The following IFT81 variants were observed in gnomAD, a reference collection of about 807,000 sequenced individuals.
IFT81 encodes intraflagellar transport 81, also known as intraflagellar transport protein 81 homolog.
Under a neutral mutation model 102.6 loss-of-function variants are expected in IFT81, and 72 were observed. That is an observed-to-expected ratio of 0.70 (90% CI 0.58 to 0.85). The LOEUF (loss-of-function observed/expected upper bound fraction) is 0.85. IFT81 is among the 40% of genes least tolerant of loss of function. The pLI is 0.00. For missense variants in IFT81, 723 were observed against 787.3 expected (o/e 0.92, Z 0.98); for synonymous variants, 237 against 242.7 (o/e 0.98, Z 0.22).
intron 12 of IFT81, 105 bp from the exon 13 acceptor site, chr12:110,190,815 T>C (rs759353710): frequency 7.9e-6 from 8 of 1,016,040 alleles, no homozygotes; most frequent in Non-Finnish European, 9.3e-6. Context: ...TCTAAACTAA[T>C]TAATTCTATT....
chr12:110,218,071 C>T lies in IFT81; in HGVS notation c.1876C>T (p.Arg626Ter), dbSNP rs373850914. The change falls in exon 19 of 19, where the codon CGA (arginine) becomes TGA (stop). Residue 626 changes from arginine (R) to a stop codon, truncating the protein, a stop_gained. Transcript: ENST00000242591. LOFTEE classifies it high-confidence loss of function. ...ACTTCGGGAAAAACAAAAAGTTATA[C>T]GAGAAAGTCATGGTCCAAATATGAA... ...KKLREKQKVI[R>*]ESHGPNMKQA... 1.1e-5 allele frequency: 17 copies of T among 1,596,388 alleles called. No homozygotes were observed. The highest frequency in any genetic ancestry group is 6.8e-5 in the African/African-American group (5 of 73,190).
At chr12:110,206,080 T>G (rs1039560346) in intron 17 of IFT81, among the ~76,000 whole-genome samples, 3 of 152,220 alleles carry the variant, frequency 2.0e-5, no homozygotes, top group African/African-American at 7.2e-5. Flanking sequence ...GGAATATATA[T>G]AATTTCATAA....
Position 110,183,043 on chromosome 12 carries a change from A to G in IFT81, c.1338+2472A>G, listed in dbSNP as rs76313081. 4.6e-5 allele frequency among the ~76,000 whole-genome samples: 7 copies of G among 152,302 alleles called. No individual in the cohort carries two copies. The East Asian group carries it at 9.6e-4, about 21-fold the overall frequency. On this transcript the variant is annotated intron_variant, in intron 12 of 18. Coordinates refer to ENST00000242591, the MANE Select transcript of IFT81 (RefSeq NM_014055.4). Reference sequence around the variant, plus strand: ...GGCCTTACGTTTAAGACACTGTTCCACTATTCTGTCAGGCCATCAGCTTTC... The same window carrying G: ...GGCCTTACGTTTAAGACACTGTTCCGCTATTCTGTCAGGCCATCAGCTTTC...
At chr12:110,218,021 T>C (rs774163532) in intron 18 of IFT81, 23 bp from the exon 19 acceptor site, 1 of 1,538,784 alleles carries the variant, frequency 6.5e-7, no homozygotes, top group South Asian at 1.2e-5. Flanking sequence ...GATTTAATTA[T>C]TCTTGTTTTT....
rs531407229 is a variant in IFT81 at position 110,201,114 on chromosome 12, T to A, written c.1558-2750T>A. ...ATATGCTTTTTTCTATTTAAAAAAA[T>A]TTTTTTGGCCAGGTGCAATGACTCA... On this transcript the variant is annotated intron_variant, in intron 14 of 18. Transcript: ENST00000242591. Among the ~76,000 whole-genome samples, 19 of 151,984 alleles carry A rather than the reference T, an allele frequency of 1.3e-4. No individual in the cohort carries two copies. The South Asian group carries it at 2.3e-3, about 18-fold the overall frequency.
At chr12:110,179,061 A>C (rs183804315) in intron 11 of IFT81, among the ~76,000 whole-genome samples, 3 of 152,230 alleles carry the variant, frequency 2.0e-5, no homozygotes, top group Admixed American at 2.0e-4. Context: ...TAAATAGATA[A>C]ATTAGATAGC....
At chr12:110,179,842 AATAT>A (rs886790382) in intron 11 of IFT81, among the ~76,000 whole-genome samples, 1 of 141,744 alleles carries the variant, frequency 7.1e-6, no homozygotes, top group East Asian at 2.0e-4. Context: ...ATATACACAT[AATAT>A]ATATATATAA....
Position 110,173,040 on chromosome 12 carries a change from C to A in IFT81, c.1189-7382C>A, listed in dbSNP as rs1360004765. ...GCCGCCCCGTCCAGGAGGTGAGGGG[C>A]GCCTCTGCCCAGCTGCCCCTACTGG... On this transcript the variant is annotated intron_variant, in intron 11 of 18. Coordinates refer to ENST00000242591, the MANE Select transcript of IFT81 (RefSeq NM_014055.4). Among the ~76,000 whole-genome samples the A allele has an allele frequency of 2.9e-4, 41 of 141,168 alleles. No homozygotes were observed. The South Asian group carries it at 9.0e-3, about 31-fold the overall frequency. 92.6% of individuals were successfully genotyped at this position (141,168 alleles called of 152,430 possible).
At chr12:110,141,297 C>CA (rs1488604096) in intron 8 of IFT81, among the ~76,000 whole-genome samples, 2 of 152,144 alleles carry the variant, frequency 1.3e-5, no homozygotes, top group East Asian at 3.9e-4. Context: ...CTTGGCCTCT[C>CA]AAAGTGCTGG....
chr12:110,195,004 T>G (rs1897941428), intron 14 of IFT81, among the ~76,000 whole-genome samples: 1 of 152,236 alleles, frequency 6.6e-6, no homozygotes, highest in Non-Finnish European at 1.5e-5. Context: ...AAAAAAGTAT[T>G]TTGTTTCTGA....
chr12:110,145,135 T>G (rs1156920249), intron 9 of IFT81, among the ~76,000 whole-genome samples: 1 of 149,770 alleles, frequency 6.7e-6, no homozygotes, highest in Non-Finnish European at 1.5e-5. Context: ...CAGGCTCAAG[T>G]GATCCTCCAC....
At chr12:110,174,458 A>G (rs890778526) in intron 11 of IFT81, among the ~76,000 whole-genome samples, 38 of 118,580 alleles carry the variant, frequency 3.2e-4, no homozygotes, top group African/African-American at 1.5e-3. Context: ...TCCGTCTCAG[A>G]AAAAAAAAAA....
chr12:110,136,846 A>G lies in IFT81; in HGVS notation c.767A>G (p.Asp256Gly). 6.2e-7 allele frequency: 1 copy of G among 1,609,246 alleles called. No individual in the cohort carries two copies. Among genetic ancestry groups the G allele is most frequent in the Non-Finnish European group, 8.5e-7 (1 of 1,175,996 alleles). The change falls in exon 8 of 19, where the codon GAT (aspartate) becomes GGT (glycine). Residue 256 changes from aspartate to glycine, a missense_variant. By Grantham distance (94) the Asp-to-Gly change is moderately conservative (BLOSUM62 -1). Transcript: ENST00000242591. Reference protein sequence around the residue: ...QLKSMRQAAADAKPESLMKRL... With the variant: ...QLKSMRQAAAGAKPESLMKRL... ...AAAAGCATGCGCCAAGCTGCAGCAGATGCAAAGCCTGAAAGTAAGTGGAAA... is the reference window on the plus strand; with the variant it reads ...AAAAGCATGCGCCAAGCTGCAGCAGGTGCAAAGCCTGAAAGTAAGTGGAAA...
In IFT81 at chr12:110,128,085, G is replaced by T. The variant is rs745699140; in HGVS notation, c.184G>T (p.Ala62Ser). 8.1e-6 allele frequency: 13 copies of T among 1,613,808 alleles called. No individual in the cohort carries two copies. The highest frequency in any genetic ancestry group is 1.7e-5 in the Admixed American group (1 of 60,002). Residue 62 changes from alanine (A) to serine (S), a missense_variant, in exon 3 of 19, where the codon GCC becomes TCC. Physicochemically the swap from Ala to Ser is moderately conservative, Grantham distance 99. Coordinates refer to ENST00000242591, the MANE Select transcript of IFT81 (RefSeq NM_014055.4). ...CAGAGAGGAGATGCCAGAGCAGACA[G>T]CCAAACGAATGTTGAGCCTTCTTGG... ...DIREEMPEQT[A>S]KRMLSLLGIL... is the part of the protein sequence containing the mutation.
chr12:110,169,422 A>G (rs1264742390), intron 11 of IFT81, among the ~76,000 whole-genome samples: 5 of 152,178 alleles, frequency 3.3e-5, no homozygotes, highest in African/African-American at 4.8e-5. Flanking sequence ...CACTGAATCT[A>G]GAGATGGTCT....
intron 14 of IFT81, among the ~76,000 whole-genome samples, chr12:110,202,214 C>T (rs1052227295): frequency 6.6e-6 from 1 of 152,108 alleles, no homozygotes; most frequent in Non-Finnish European, 1.5e-5. Flanking sequence ...TTTTTCAGCT[C>T]CATTATAATC....
intron 18 of IFT81, among the ~76,000 whole-genome samples, chr12:110,213,434 T>C (rs1462141473): frequency 2.0e-5 from 3 of 152,250 alleles, no homozygotes; most frequent in Admixed American, 6.5e-5. Context: ...TGATTAAATA[T>C]GTTTTGATAT....
chr12:110,190,474 C>T (rs1355806131), intron 12 of IFT81, among the ~76,000 whole-genome samples: 1 of 152,050 alleles, frequency 6.6e-6, no homozygotes, highest in Non-Finnish European at 1.5e-5. Flanking sequence ...TTATTTATTC[C>T]CACTAGTAGT....
intron 17 of IFT81, 24 bp from the exon 18 acceptor site, chr12:110,209,147 T>C (rs760856261): frequency 2.2e-6 from 3 of 1,379,548 alleles, no homozygotes; most frequent in South Asian, 1.2e-5. Context: ...AAATTGAAAG[T>C]AAATCATTAT....
Sources: allele counts gnomAD v4.1 joint callset (sites outside exome capture counted in the v4.1 genomes callset), GRCh38; gene constraint gnomAD v4.1.1; transcripts MANE v1.5; gene names NCBI Gene and HGNC (gene_info 2026-07-23, HGNC 2026-07-21).